RANBP2: variants seen among roughly 807,000 people sequenced by gnomAD.
RANBP2 encodes the protein RAN binding protein 2.
A neutral mutation model predicts 303.6 loss-of-function variants in RANBP2; 57 were observed. The ratio of observed to expected loss-of-function variants is 0.19; its 90% CI spans 0.15 to 0.23. The LOEUF (loss-of-function observed/expected upper bound fraction) is 0.23. RANBP2 is among the 10% of genes least tolerant of loss of function. The pLI is 1.00. For synonymous variants in RANBP2, 1,167 were observed against 1,301.5 expected (o/e 0.90, Z 2.23); for missense variants, 3,138 against 3,780.8 (o/e 0.83, Z 4.46).
the RANBP2 span, among the ~76,000 whole-genome samples, chr2:109,348,508 G>A: frequency 6.6e-6 from 1 of 152,352 alleles, no homozygotes; most frequent in East Asian, 1.9e-4. Context: ...ACTGACAGGT[G>A]AAATTGAGTA....
the RANBP2 span, among the ~76,000 whole-genome samples, chr2:108,808,559 G>A: frequency 2.6e-5 from 4 of 152,106 alleles, no homozygotes; most frequent in South Asian, 2.1e-4. Flanking sequence ...TTCTAACTGG[G>A]ATGAGATTGA....
chr2:108,973,372 G>C, the RANBP2 span, among the ~76,000 whole-genome samples: 1 of 152,216 alleles, frequency 6.6e-6, no homozygotes, highest in Non-Finnish European at 1.5e-5. Context: ...TAGGGCAGGA[G>C]GGCGGTGCAG....
At chr2:108,789,598 G>C (rs773638008), downstream of RANBP2, among the ~76,000 whole-genome samples, 1 of 151,998 alleles carries the variant, frequency 6.6e-6, no homozygotes, top group Non-Finnish European at 1.5e-5. Context: ...CCTGAAGAAA[G>C]AAAAAACGAA....
At chr2:109,481,991 T>C in the RANBP2 span, among the ~76,000 whole-genome samples, 4 of 152,216 alleles carry the variant, frequency 2.6e-5, no homozygotes, top group African/African-American at 9.6e-5. Flanking sequence ...CAACGGTGCA[T>C]TCTAGGGATG....
the RANBP2 span, among the ~76,000 whole-genome samples, chr2:109,624,221 G>A: frequency 2.0e-5 from 3 of 152,230 alleles, no homozygotes; most frequent in Admixed American, 6.5e-5. Flanking sequence ...CAAGCAGAGC[G>A]GAGCAGGTAG....
chr2:108,945,960 C>A, the RANBP2 span, among the ~76,000 whole-genome samples: 1 of 152,174 alleles, frequency 6.6e-6, no homozygotes, highest in Non-Finnish European at 1.5e-5. Flanking sequence ...GACCCTTCCT[C>A]AAAATAAAAG....
the RANBP2 span, among the ~76,000 whole-genome samples, chr2:109,739,755 T>C: frequency 2.0e-5 from 3 of 151,928 alleles, no homozygotes; most frequent in South Asian, 2.1e-4. Flanking sequence ...TCCAATACTA[T>C]GTTAAATAAC....
At chr2:109,096,887 A>T in the RANBP2 span, among the ~76,000 whole-genome samples, 1 of 150,308 alleles carries the variant, frequency 6.7e-6, no homozygotes, top group Non-Finnish European at 1.5e-5. Flanking sequence ...TGTGGCCCCC[A>T]TCCAGAAACT....
chr2:109,162,267 C>T, the RANBP2 span, among the ~76,000 whole-genome samples: 1 of 152,182 alleles, frequency 6.6e-6, no homozygotes, highest in South Asian at 2.1e-4. Context: ...AGCATCTCAG[C>T]AGAGCTGTTA....
chr2:109,421,678 C>G, the RANBP2 span, among the ~76,000 whole-genome samples: 23 of 152,296 alleles, frequency 1.5e-4, no homozygotes, highest in Admixed American at 3.3e-4. Context: ...AGGGCACTTT[C>G]CACTCAGCTT....
the RANBP2 span, among the ~76,000 whole-genome samples, chr2:109,012,696 C>T: frequency 2.0e-5 from 3 of 152,156 alleles, no homozygotes; most frequent in African/African-American, 7.2e-5. Flanking sequence ...GGGTGGATCA[C>T]GAGGTCAGGA....
At chr2:109,584,210 C>T in the RANBP2 span, among the ~76,000 whole-genome samples, 9 of 152,260 alleles carry the variant, frequency 5.9e-5, no homozygotes, top group South Asian at 1.9e-3. Flanking sequence ...GGCGCAGTTG[C>T]TCACGCCTGT....
the RANBP2 span, among the ~76,000 whole-genome samples, chr2:109,512,649 G>A: frequency 6.6e-6 from 1 of 152,146 alleles, no homozygotes; most frequent in African/African-American, 2.4e-5. Flanking sequence ...CCTCGTGGGA[G>A]GCAAGTCAGC....
At chr2:109,248,867 T>TG in the RANBP2 span, among the ~76,000 whole-genome samples, 4 of 121,164 alleles carry the variant, frequency 3.3e-5, no homozygotes, top group African/African-American at 1.4e-4. Flanking sequence ...CCTTTCCTTT[T>TG]TCCTTTCCTT....
chr2:108,942,167 G>T, the RANBP2 span, among the ~76,000 whole-genome samples: 1 of 152,172 alleles, frequency 6.6e-6, no homozygotes, highest in Non-Finnish European at 1.5e-5. Flanking sequence ...CGCCAGACGT[G>T]TCACTAAACC....
chr2:109,350,047 T>A, the RANBP2 span, among the ~76,000 whole-genome samples: 1 of 152,192 alleles, frequency 6.6e-6, no homozygotes, highest in African/African-American at 2.4e-5. Flanking sequence ...ACGAGCTGCA[T>A]CGGATCACCA....
At chr2:109,449,196 G>A in the RANBP2 span, 2 of 1,613,620 alleles carry the variant, frequency 1.2e-6, no homozygotes, top group East Asian at 2.2e-5. Context: ...CCAGGCTCAG[G>A]ACCGGCCAAC....
the RANBP2 span, among the ~76,000 whole-genome samples, chr2:109,595,440 C>G: frequency 6.6e-6 from 1 of 152,084 alleles, no homozygotes; most frequent in African/African-American, 2.4e-5. Flanking sequence ...TCTGAAAGGC[C>G]CCCCAGTCCC....
chr2:109,712,270 G>A, the RANBP2 span, among the ~76,000 whole-genome samples: 2 of 152,036 alleles, frequency 1.3e-5, no homozygotes, highest in African/African-American at 2.4e-5. Flanking sequence ...GGATCCTGCC[G>A]GCCCTGCCTG....
Sources: allele counts gnomAD v4.1 joint callset (sites outside exome capture counted in the v4.1 genomes callset), GRCh38; gene constraint gnomAD v4.1.1; transcripts MANE v1.5; gene names NCBI Gene and HGNC (gene_info 2026-07-23, HGNC 2026-07-21).